Variants in WTAP observed in about 807,000 individuals in gnomAD.
WTAP encodes WT1 associated protein.
Under a neutral mutation model 50.0 loss-of-function variants are expected in WTAP, and 8 were observed. The observed-to-expected ratio is 0.16, with a 90% CI of 0.09 to 0.29. The LOEUF is 0.29. Among genes scored for constraint, WTAP ranks in the 10% least tolerant of loss-of-function variants. The pLI, the probability that WTAP is intolerant of heterozygous loss-of-function variation, is 1.00. For synonymous variants in WTAP, 194 were observed against 169.0 expected (o/e 1.15, Z -1.15); for missense variants, 295 against 470.7 (o/e 0.63, Z 3.45).
chr6:159,736,483 AT>A, intron 2 of WTAP, 188 bp downstream of exon 2: 1 of 444,202 alleles, frequency 2.3e-6, no homozygotes, highest in Non-Finnish European at 4.0e-6. Context: ...TATCCAGTAT[AT>A]TTTTTAGAAT....
In WTAP at chr6:159,753,543, G is replaced by A; in HGVS notation, c.536G>A (p.Arg179His). Residue 179 changes from arginine to histidine, a missense_variant, in exon 7 of 8, where the codon CGT (arginine) becomes CAT (histidine). Transcript: ENST00000621533. ...QELGRQLSQG[R>H]IAQLEAELAL... ...CTTGGAAGGCAGCTGTCCCAGGGAC[G>A]TATTGCACAACTTGAAGCAGAGTTG... 5.0e-6 allele frequency: 8 copies of A among 1,614,170 alleles called. No homozygotes were observed. The highest frequency in any genetic ancestry group is 1.1e-5 in the South Asian group (1 of 91,084).
In WTAP at chr6:159,753,586, C is replaced by T. The variant is rs1020909383; in HGVS notation, c.579C>T (p.Tyr193=). 1 of 1,613,634 alleles carries T rather than the reference C, an allele frequency of 6.2e-7. No individual in the cohort carries two copies. Among genetic ancestry groups the T allele is most frequent in the Non-Finnish European group, 8.5e-7 (1 of 1,179,720 alleles). The part of the protein sequence containing the change: ...LEAELALQKK[Y]SEELKSSQDE... ...CAGAGTTGGCTTTACAGAAGAAATA[C>T]AGTGAGGAGCTTAAAAGCAGTCAGG... The change falls in exon 7 of 8, where the codon TAC becomes TAT. Residue 193 remains tyrosine, a synonymous_variant. Transcript: ENST00000621533.
At chr6:159,726,868 A>T, upstream of WTAP, 1 of 1,289,224 alleles carries the variant, frequency 7.8e-7, no homozygotes, top group South Asian at 1.2e-5. Context: ...GCTTCTGCTA[A>T]GAGTAAACGC....
Position 159,755,445 on chromosome 6 carries a change from C to T in WTAP, c.1025C>T (p.Pro342Leu). 1.2e-6 allele frequency: 2 copies of T among 1,613,960 alleles called. No individual in the cohort carries two copies. The highest frequency in any genetic ancestry group is 1.7e-6 in the Non-Finnish European group (2 of 1,179,986). ...GCGGGGTATGAAAGTGTAGACTCTC[C>T]CACGGGCAGTGAAAACTCTCTCACA... ...LSAGYESVDS[P>L]TGSENSLTHQ... Residue 342 changes from proline (P) to leucine (L), a missense_variant, in exon 8 of 8, where the codon CCC becomes CTC. This residue lies in a region of WTAP where 175 missense variants were observed against 183.1 expected (regional missense o/e 0.96). Transcript: ENST00000621533.
chr6:159,735,959 A>T (rs895269526), intron 1 of WTAP, among the ~76,000 whole-genome samples: 3 of 152,086 alleles, frequency 2.0e-5, no homozygotes, highest in Non-Finnish European at 4.4e-5. Flanking sequence ...GGCGACATCA[A>T]ATGATTTGAA....
intron 2 of WTAP, among the ~76,000 whole-genome samples, chr6:159,737,516 CAG>C (rs1362708825): frequency 2.0e-5 from 3 of 152,030 alleles, no homozygotes; most frequent in South Asian, 4.1e-4. Context: ...TTTTCTGAGA[CAG>C]AGTCTCACTC....
intron 2 of WTAP, chr6:159,736,771 G>C (rs1333914306): frequency 1.3e-5 from 2 of 153,360 alleles, no homozygotes; most frequent in Non-Finnish European, 2.9e-5. Context: ...TTGTTGTCTA[G>C]TCTCAAATCT....
intron 3 of WTAP, among the ~76,000 whole-genome samples, chr6:159,740,626 T>C (rs559080394): frequency 6.6e-6 from 1 of 152,250 alleles, no homozygotes; most frequent in East Asian, 1.9e-4. Context: ...AAATAAAGCA[T>C]GGCCTTGGCT....
intron 1 of WTAP, among the ~76,000 whole-genome samples, chr6:159,733,922 A>T (rs918011022): frequency 1.3e-5 from 2 of 152,236 alleles, no homozygotes; most frequent in African/African-American, 4.8e-5. Context: ...ATCTCCAAAA[A>T]AAAAGATTAA....
chr6:159,739,105 C>T (rs937157956), intron 3 of WTAP, 60 bp downstream of exon 3: 10 of 1,327,456 alleles, frequency 7.5e-6, no homozygotes, highest in African/African-American at 2.9e-5. Flanking sequence ...TGTGACTCTA[C>T]ACTGTAATTG....
chr6:159,730,054 C>A (rs752481187), intron 1 of WTAP, among the ~76,000 whole-genome samples: 14 of 152,128 alleles, frequency 9.2e-5, no homozygotes, highest in African/African-American at 1.4e-4. Flanking sequence ...ATAACTGAAA[C>A]TTTTATGTAA....
chr6:159,726,896 C>T, upstream of WTAP: 1 of 1,289,164 alleles, frequency 7.8e-7, no homozygotes, highest in Non-Finnish European at 1.0e-6. Context: ...TCGCCGCCCA[C>T]GGCCTCTCTC....
Position 159,755,886 on chromosome 6 carries a change from G to A in WTAP, c.*275G>A. 1 of 366,586 alleles carries A rather than the reference G, an allele frequency of 2.7e-6. No homozygotes were observed. The highest frequency in any genetic ancestry group is 6.4e-5 in the South Asian group (1 of 15,536). The allele number at this position is 366,586 out of a possible 1,614,324, so 22.7% of individuals were successfully genotyped here. Reference sequence around the variant, plus strand: ...GTGTAGGGTCAAGTTATTTTTATATGAGTTAATGTGAAATTGTAAATGGAA... The same window carrying A: ...GTGTAGGGTCAAGTTATTTTTATATAAGTTAATGTGAAATTGTAAATGGAA... On this transcript the variant is annotated 3_prime_UTR_variant, in exon 8 of 8. Transcript: ENST00000621533.
At chr6:159,730,652 C>T (rs1583062411) in intron 1 of WTAP, among the ~76,000 whole-genome samples, 1 of 152,324 alleles carries the variant, frequency 6.6e-6, no homozygotes, top group East Asian at 1.9e-4. Context: ...ATTTACTTTT[C>T]ATCAGATTAA....
chr6:159,742,599 G>A (rs552832966), intron 4 of WTAP, among the ~76,000 whole-genome samples: 4 of 152,036 alleles, frequency 2.6e-5, no homozygotes, highest in Admixed American at 6.5e-5. Context: ...TGAAAATAAC[G>A]TTTATCATTT....
chr6:159,736,159 G>A, intron 1 of WTAP, 99 bp from the exon 2 acceptor site: 1 of 1,139,862 alleles, frequency 8.8e-7, no homozygotes, highest in East Asian at 2.4e-5. Context: ...CAGTAATTTA[G>A]TTCACTAATA....
At chr6:159,740,539 A>G (rs1431282354) in intron 3 of WTAP, among the ~76,000 whole-genome samples, 1 of 152,152 alleles carries the variant, frequency 6.6e-6, no homozygotes, top group Non-Finnish European at 1.5e-5. Flanking sequence ...GTTCTTTTAT[A>G]GCCTCCACTG....
In WTAP at chr6:159,730,914, A is replaced by G. The variant is rs1562450539; in HGVS notation, c.-9+3211A>G. ...AAACTTTTTAAAAAGAACATAAGCC[A>G]ATGTCAGGAGTTGGAGACCAGCCTG... On this transcript the variant is annotated intron_variant, in intron 1 of 7. Coordinates refer to ENST00000621533, the MANE Select transcript of WTAP (RefSeq NM_001270531.2). The G allele has an allele frequency of 3.9e-5, 6 of 152,126 alleles. 1 individual carries two copies. Among genetic ancestry groups the G allele is most frequent in the African/African-American group, 1.4e-4 (6 of 41,434 alleles). 9.4% of individuals were successfully genotyped at this position (152,126 alleles called of 1,614,324 possible). A position where few individuals can be genotyped will look rare whatever the true frequency, so the allele number is the denominator to read the frequency against.
intron 1 of WTAP, among the ~76,000 whole-genome samples, chr6:159,734,769 T>C (rs559205677): frequency 3.5e-4 from 53 of 152,364 alleles, no homozygotes; most frequent in African/African-American, 1.2e-3. Context: ...CTCAGAACCC[T>C]GATTCAATTT....
Sources: gnomAD v4.1 joint callset for allele counts (sites outside exome capture counted in the v4.1 genomes callset) on GRCh38, gnomAD v4.1.1 for gene constraint, gnomAD v4.1.1 regional missense constraint, MANE v1.5 for transcripts, NCBI Gene and HGNC (gene_info 2026-07-23, HGNC 2026-07-21) for gene names.